NRG1: variants seen among roughly 807,000 people sequenced by gnomAD.
NRG1 encodes the protein pro-neuregulin-1, membrane-bound isoform.
NRG1 carries 18 observed loss-of-function variants against 63.8 expected under a neutral mutation model. That is an observed-to-expected ratio of 0.28 (90% CI 0.19 to 0.42). The LOEUF is 0.42. Among genes scored for constraint, NRG1 ranks in the 10% least tolerant of loss-of-function variants. The pLI is 1.00. For synonymous variants in NRG1, 302 were observed against 301.3 expected, an observed-to-expected ratio of 1.00 and a Z score of -0.02; for missense variants, 762 against 814.7, an observed-to-expected ratio of 0.94 and a Z score of 0.79.
At chr8:32,114,929 AAGAAC>A (rs1229776750) in intron 1 of NRG1, among the ~76,000 whole-genome samples, 3 of 152,174 alleles carry the variant, frequency 2.0e-5, no homozygotes, top group Non-Finnish European at 2.9e-5. Context: ...GACAGAGAAA[AAGAAC>A]AGAAACTGAT....
chr8:32,418,577 T>C (rs1238973373), intron 1 of NRG1, among the ~76,000 whole-genome samples: 1 of 152,084 alleles, frequency 6.6e-6, no homozygotes, highest in East Asian at 1.9e-4. Context: ...TATGTGTCTA[T>C]TGGCGTTCGT....
At chr8:32,283,609 G>A (rs917361621) in intron 1 of NRG1, among the ~76,000 whole-genome samples, 1 of 152,054 alleles carries the variant, frequency 6.6e-6, no homozygotes, top group African/African-American at 2.4e-5. Context: ...AAGAAAGAAG[G>A]GCCATGTCAG....
At chr8:31,963,148 G>A (rs1269149812) in intron 1 of NRG1, among the ~76,000 whole-genome samples, 3 of 152,132 alleles carry the variant, frequency 2.0e-5, no homozygotes, top group Non-Finnish European at 4.4e-5. Context: ...AATATTTTCT[G>A]TACTGACCAA....
chr8:32,632,728 C>T (rs1170570096), intron 5 of NRG1, among the ~76,000 whole-genome samples: 1 of 152,110 alleles, frequency 6.6e-6, no homozygotes, highest in African/African-American at 2.4e-5. Context: ...TAATATGATA[C>T]AGGATGTTCA....
intron 1 of NRG1, among the ~76,000 whole-genome samples, chr8:31,994,976 G>C (rs899629968): frequency 6.6e-5 from 10 of 151,940 alleles, no homozygotes; most frequent in Admixed American, 1.3e-4. Flanking sequence ...AGTGTTTCAA[G>C]TATTGAATTG....
At chr8:31,818,051 T>G (rs923877725) in intron 1 of NRG1, among the ~76,000 whole-genome samples, 30 of 152,286 alleles carry the variant, frequency 2.0e-4, no homozygotes, top group South Asian at 4.1e-4. Flanking sequence ...GCTACTTTTG[T>G]GCCAGCAAAT....
chr8:32,235,354 T>A (rs900993945), intron 1 of NRG1, among the ~76,000 whole-genome samples: 13 of 151,822 alleles, frequency 8.6e-5, no homozygotes, highest in African/African-American at 2.9e-4. Flanking sequence ...GCTGAGATTA[T>A]GCCATTGCAC....
intron 1 of NRG1, among the ~76,000 whole-genome samples, chr8:31,872,172 G>A (rs894936358): frequency 1.3e-5 from 2 of 152,200 alleles, no homozygotes; most frequent in African/African-American, 4.8e-5. Flanking sequence ...GATGGCGAAT[G>A]AACTTTTTAA....
At chr8:32,483,557 G>A (rs146134142) in intron 1 of NRG1, among the ~76,000 whole-genome samples, 7 of 152,268 alleles carry the variant, frequency 4.6e-5, no homozygotes, top group African/African-American at 1.7e-4. Flanking sequence ...CATGTGATAA[G>A]TCCATTTGTC....
rs559470613 is a variant in NRG1, at chr8:32,481,615, T to C, written c.38-114213T>C. Among the ~76,000 whole-genome samples the C allele has an allele frequency of 2.0e-5, 3 of 152,396 alleles. No individual in the cohort carries two copies. The East Asian group carries it at 5.8e-4, about 29-fold the overall frequency. On this transcript the variant is annotated intron_variant, in intron 1 of 10. Transcript: ENST00000519301. ...TGAGTTCAAATCCCAGCTTTACAGC[T>C]AATGGTTGCATTATCTTGGGCAAGT...
Position 31,922,420 on chromosome 8 carries a change from A to C in NRG1, c.37+282989A>C, listed in dbSNP as rs554469875. On this transcript the variant is annotated intron_variant, in intron 1 of 10. Transcript: ENST00000519301. The stretch of plus-strand genomic sequence containing the variant: ...AATATACATCAATAAATCAGCCCTC[A>C]TTTGATTTTCTTCTCAGTGAACTAT... Among the ~76,000 whole-genome samples the C allele has an allele frequency of 3.9e-5, 6 of 152,256 alleles. No individual in the cohort carries two copies. In the South Asian group the frequency reaches 1.2e-3, roughly 32 times the overall value.
At chr8:31,720,052 T>C (rs977765568) in intron 1 of NRG1, among the ~76,000 whole-genome samples, 8 of 152,170 alleles carry the variant, frequency 5.3e-5, no homozygotes, top group Non-Finnish European at 8.8e-5. Flanking sequence ...AAAATAACTT[T>C]TAAAAAAATA....
intron 1 of NRG1, among the ~76,000 whole-genome samples, chr8:32,399,343 C>T (rs1352003275): frequency 6.6e-6 from 1 of 152,148 alleles, no homozygotes; most frequent in Non-Finnish European, 1.5e-5. Flanking sequence ...TAAAATTTCC[C>T]TCGACTCAAC....
At chr8:31,963,891 T>A (rs1805887008) in intron 1 of NRG1, among the ~76,000 whole-genome samples, 1 of 152,220 alleles carries the variant, frequency 6.6e-6, no homozygotes, top group African/African-American at 2.4e-5. Context: ...AGGTGAATTG[T>A]CTGAGGAAAT....
chr8:32,278,187 C>A (rs1200440435), intron 1 of NRG1, among the ~76,000 whole-genome samples: 1 of 152,096 alleles, frequency 6.6e-6, no homozygotes, highest in Non-Finnish European at 1.5e-5. Flanking sequence ...ATGATCTTTC[C>A]TCATTGTAGT....
intron 1 of NRG1, among the ~76,000 whole-genome samples, chr8:31,643,989 A>C (rs2130844346): frequency 6.6e-6 from 1 of 152,322 alleles, no homozygotes; most frequent in South Asian, 2.1e-4. Context: ...ATGTATTGAT[A>C]ATGTAAACAT....
At chr8:32,740,129 A>G (rs1825968310) in intron 6 of NRG1, among the ~76,000 whole-genome samples, 1 of 151,084 alleles carries the variant, frequency 6.6e-6, no homozygotes, top group Admixed American at 6.6e-5. Context: ...TTCAGTAAGA[A>G]TGTGAAGACA....
intron 1 of NRG1, among the ~76,000 whole-genome samples, chr8:32,048,367 A>G (rs1821375998): frequency 6.7e-6 from 1 of 148,888 alleles, no homozygotes; most frequent in African/African-American, 2.4e-5. Flanking sequence ...ATATGCATGT[A>G]TACATATATA....
chr8:31,732,423 A>G (rs1023428325), intron 1 of NRG1, among the ~76,000 whole-genome samples: 1 of 152,052 alleles, frequency 6.6e-6, no homozygotes, highest in African/African-American at 2.4e-5. Context: ...ACACCCCACC[A>G]TCTATTTTTG....
Sources: allele counts gnomAD v4.1 joint callset (sites outside exome capture counted in the v4.1 genomes callset), GRCh38; gene constraint gnomAD v4.1.1; transcripts MANE v1.5; gene names NCBI Gene and HGNC (gene_info 2026-07-23, HGNC 2026-07-21).